Variants in SAG observed in about 807,000 individuals in gnomAD.
The protein encoded by SAG is S-arrestin.
Under a neutral mutation model 55.0 loss-of-function variants are expected in SAG, and 45 were observed. The observed-to-expected ratio is 0.82, with a 90% CI of 0.64 to 1.05. SAG has a LOEUF of 1.05. Among genes scored for constraint, SAG ranks in the 50% least tolerant of loss-of-function variants. SAG has a pLI of 0.00. For missense variants in SAG, 455 were observed against 512.1 expected (o/e 0.89, Z 1.08); for synonymous variants, 189 against 197.4 (o/e 0.96, Z 0.36).
In SAG at chr2:233,319,697, G is replaced by A. The variant is rs543366323; in HGVS notation, c.181+902G>A. ...CCAGGAGGCATCTGGTTTGAGCCCCGAAAGCCCAAGTCCTTGACCAGAGAA... is the reference window on the plus strand; with the variant it reads ...CCAGGAGGCATCTGGTTTGAGCCCCAAAAGCCCAAGTCCTTGACCAGAGAA... On this transcript the variant is annotated intron_variant, in intron 4 of 15. Coordinates refer to ENST00000409110, the MANE Select transcript of SAG (RefSeq NM_000541.5). The surrounding 1 kb of genome is among the most constrained non-coding windows in gnomAD (Gnocchi z 4.4). The A allele has an allele frequency of 6.1e-6, 6 of 985,734 alleles. No individual in the cohort carries two copies. Among genetic ancestry groups the A allele is most frequent in the Admixed American group, 6.1e-5 (1 of 16,290 alleles). 61.1% of individuals were successfully genotyped at this position (985,734 alleles called of 1,614,324 possible).
Position 233,318,734 on chromosome 2 carries a change from T to G in SAG, c.137-17T>G. 1.9e-6 allele frequency: 3 copies of G among 1,612,590 alleles called. No individual in the cohort carries two copies. Among genetic ancestry groups the G allele is most frequent in the Non-Finnish European group, 2.5e-6 (3 of 1,178,582 alleles). ...CATCTTCTCCACCCTCACTGCTCTC[T>G]CCCTCTTTTGCCTTAGATGGTGTCG... On this transcript the variant is annotated splice_polypyrimidine_tract_variant and intron_variant, in intron 3 of 15. Coordinates refer to ENST00000409110, the MANE Select transcript of SAG (RefSeq NM_000541.5).
intron 11 of SAG, among the ~76,000 whole-genome samples, chr2:233,337,894 G>A (rs1029011650): frequency 6.6e-6 from 1 of 152,228 alleles, no homozygotes; most frequent in Admixed American, 6.5e-5. Flanking sequence ...CATCTGTGAT[G>A]AAATGCCCGG....
chr2:233,320,901 A>G, intron 5 of SAG, 78 bp downstream of exon 5: 1 of 1,246,142 alleles, frequency 8.0e-7, no homozygotes. Flanking sequence ...AGGAAAGGGG[A>G]TAGAGGAAGA....
At chr2:233,336,795 G>A (rs1351241320) in intron 11 of SAG, among the ~76,000 whole-genome samples, 1 of 152,036 alleles carries the variant, frequency 6.6e-6, no homozygotes, top group African/African-American at 2.4e-5. Context: ...CCCATTCAGC[G>A]CAAGGTAGAG....
At chr2:233,321,986 TACACACACACACACACACACAC>T (rs57822347) in intron 5 of SAG, among the ~76,000 whole-genome samples, 9,647 of 133,302 alleles carry the variant, frequency 0.072, 408 homozygotes, top group Admixed American at 0.12. Context: ...CTACTAAAAA[TACACACACACACACACACACAC>T]ACACACACAC....
intron 14 of SAG, chr2:233,343,085 T>TG (rs1701153274): frequency 1.7e-5 from 2 of 115,910 alleles, no homozygotes; most frequent in South Asian, 3.1e-4. Context: ...TTTGGGGTTT[T>TG]TTTTTTTTTT....
chr2:233,326,416 C>A (rs1197961598), intron 6 of SAG, among the ~76,000 whole-genome samples: 1 of 151,986 alleles, frequency 6.6e-6, no homozygotes, highest in East Asian at 1.9e-4. Flanking sequence ...GAAACCCCAA[C>A]TCTACTAAAA....
rs191987555 is a variant in SAG, at chr2:233,315,501, C to T, written c.76-574C>T. ...AGAGACAGGGTTTCGTCATGTTGGC[C>T]AGGCTGGTCTCAAACTCCCGACCTC... On this transcript the variant is annotated intron_variant, in intron 2 of 15. Coordinates refer to ENST00000409110, the MANE Select transcript of SAG (RefSeq NM_000541.5). Among the ~76,000 whole-genome samples, 13 of 151,626 alleles carry T rather than the reference C, an allele frequency of 8.6e-5. No individual in the cohort carries two copies. In the East Asian group the frequency reaches 2.5e-3, roughly 30 times the overall value.
At position 233,320,657 on chromosome 2, in the gene SAG, G is replaced by A. The variant is rs747018082; in HGVS notation, c.209G>A (p.Arg70His). The A allele has an allele frequency of 1.5e-5, 24 of 1,603,576 alleles. No homozygotes were observed. The highest frequency in any genetic ancestry group is 1.1e-4 in the African/African-American group (8 of 74,642). The change falls in exon 5 of 16, where the codon CGC (arginine) becomes CAC (histidine). Residue 70 changes from arginine to histidine, a missense_variant. Arg to His is a conservative substitution (Grantham distance 29, BLOSUM62 0). Coordinates refer to ENST00000409110, the MANE Select transcript of SAG (RefSeq NM_000541.5). The stretch of plus-strand genomic sequence containing the variant: ...TATGTCACTCTGACCTGCGCCTTCC[G>A]CTATGGCCAAGAGGACATTGACGTG... Reference protein sequence around the residue: ...KVYVTLTCAFRYGQEDIDVIG... With the variant: ...KVYVTLTCAFHYGQEDIDVIG...
intron 10 of SAG, chr2:233,333,899 G>A (rs1245218340): frequency 1.3e-5 from 2 of 152,228 alleles, no homozygotes; most frequent in Non-Finnish European, 2.9e-5. Flanking sequence ...CTGGAGGCAG[G>A]ATAGGGGACA....
chr2:233,329,336 C>T (rs1700674724), intron 8 of SAG, 157 bp from the exon 9 acceptor site: 2 of 619,736 alleles, frequency 3.2e-6, no homozygotes. Context: ...TGTTTCAGGC[C>T]CTTCCTTAGA....
chr2:233,324,516 T>C (rs1368382647), intron 6 of SAG, among the ~76,000 whole-genome samples: 1 of 152,192 alleles, frequency 6.6e-6, no homozygotes, highest in Non-Finnish European at 1.5e-5. Context: ...CTGAATGAGA[T>C]GGGAGCCATT....
chr2:233,346,206 G>A (rs1701249414), intron 14 of SAG, 197 bp from the exon 15 acceptor site: 2 of 398,134 alleles, frequency 5.0e-6, no homozygotes, highest in Non-Finnish European at 4.4e-6. Flanking sequence ...AAGGAGAAAA[G>A]CTGTTCCAGT....
chr2:233,321,986 TACACACAC>T (rs57822347), intron 5 of SAG, among the ~76,000 whole-genome samples: 3,197 of 133,272 alleles, frequency 0.024, 135 homozygotes, highest in African/African-American at 0.073. Context: ...CTACTAAAAA[TACACACAC>T]ACACACACAC....
In SAG at chr2:233,331,643, A is replaced by C. The variant is rs1700765996; in HGVS notation, c.737A>C (p.Glu246Ala). Residue 246 changes from glutamate to alanine, a missense_variant, in exon 10 of 16, where the codon GAA (glutamate) becomes GCA (alanine). Glu to Ala is a moderately radical substitution (Grantham distance 107). Coordinates refer to ENST00000409110, the MANE Select transcript of SAG (RefSeq NM_000541.5). ...KTVKKIKAFVEQVANVVLYSS... is the reference protein window; with the variant it reads ...KTVKKIKAFVAQVANVVLYSS... ...GACTCCCGTCTTCCCCTTGCAGTGG[A>C]ACAGGTGGCCAATGTGGTTCTCTAC... 26 of 1,612,524 alleles carry C rather than the reference A, an allele frequency of 1.6e-5. No homozygotes were observed. Among genetic ancestry groups the C allele is most frequent in the Non-Finnish European group, 2.2e-5 (26 of 1,178,826 alleles).
chr2:233,321,888 G>A (rs7589330), intron 5 of SAG, among the ~76,000 whole-genome samples: 4,812 of 151,982 alleles, frequency 0.032, 273 homozygotes, highest in African/African-American at 0.11. Context: ...GAGACAATAT[G>A]TCAACACGTA....
intron 15 of SAG, 65 bp downstream of exon 15, chr2:233,346,477 A>G: frequency 1.9e-6 from 3 of 1,553,120 alleles, no homozygotes; most frequent in East Asian, 2.2e-5. Context: ...CCTCCAGCAC[A>G]AAACCCTCTT....
chr2:233,322,307 A>G (rs1700413861), intron 5 of SAG, among the ~76,000 whole-genome samples: 1 of 152,146 alleles, frequency 6.6e-6, no homozygotes, highest in Non-Finnish European at 1.5e-5. Context: ...AGACCACTTC[A>G]GTAGCCAGCA....
chr2:233,341,053 A>T (rs908928022), intron 13 of SAG, among the ~76,000 whole-genome samples: 2 of 152,178 alleles, frequency 1.3e-5, no homozygotes, highest in Non-Finnish European at 2.9e-5. Context: ...ACCTCCAGTG[A>T]TGATCCTGCC....
Sources: gnomAD v4.1 joint callset for allele counts (sites outside exome capture counted in the v4.1 genomes callset) on GRCh38, gnomAD v4.1.1 for gene constraint, Gnocchi (gnomAD v3.1) non-coding constraint, MANE v1.5 for transcripts, NCBI Gene and HGNC (gene_info 2026-07-23, HGNC 2026-07-21) for gene names.